Variants in C2CD5 observed in about 807,000 individuals in gnomAD.
C2CD5 encodes C2 calcium dependent domain containing 5.
In C2CD5, 109 loss-of-function variants were observed where a neutral mutation model predicts 130.3. That is an observed-to-expected ratio of 0.84 (90% CI 0.72 to 0.98). The LOEUF is 0.98. Ranked by LOEUF, C2CD5 falls within the 50% of genes least tolerant of loss-of-function variation. C2CD5 has a pLI of 0.00. For missense variants in C2CD5, 996 were observed against 1,261.8 expected (o/e 0.79, Z 3.19); for synonymous variants, 454 against 429.2 (o/e 1.06, Z -0.71).
intron 7 of C2CD5, chr12:22,518,922 C>T (rs1950017962): frequency 2.4e-6 from 1 of 417,270 alleles, no homozygotes; most frequent in Non-Finnish European, 4.2e-6. Flanking sequence ...TGGAAGAATA[C>T]CTTCACTTCC....
intron 3 of C2CD5, among the ~76,000 whole-genome samples, chr12:22,532,532 T>C (rs1951392538): frequency 6.6e-6 from 1 of 152,138 alleles, no homozygotes. Context: ...ATTTGTTTTC[T>C]CTTAATCCAG....
chr12:22,501,957 A>G (rs1176421492), intron 10 of C2CD5, among the ~76,000 whole-genome samples: 1 of 152,128 alleles, frequency 6.6e-6, no homozygotes, highest in Non-Finnish European at 1.5e-5. Context: ...GCAACATACC[A>G]GCTTCTGACA....
At chr12:22,502,594 AAG>A (rs1295897939) in intron 10 of C2CD5, 2 of 434,428 alleles carry the variant, frequency 4.6e-6, no homozygotes, top group South Asian at 6.2e-5. Flanking sequence ...TTGAAATTAC[AAG>A]AGTTATTACA....
At chr12:22,508,159 T>C (rs1014759787) in intron 9 of C2CD5, among the ~76,000 whole-genome samples, 9 of 152,162 alleles carry the variant, frequency 5.9e-5, no homozygotes, top group African/African-American at 2.2e-4. Context: ...ATCAGTCCTG[T>C]GCACCTCAGT....
chr12:22,499,411 T>G (rs1947461976), intron 10 of C2CD5, among the ~76,000 whole-genome samples: 1 of 152,216 alleles, frequency 6.6e-6, no homozygotes, highest in South Asian at 2.1e-4. Flanking sequence ...GGAAAACTAC[T>G]GTTTCACTTT....
intron 8 of C2CD5, among the ~76,000 whole-genome samples, chr12:22,517,318 A>G (rs935502379): frequency 6.6e-6 from 1 of 151,796 alleles, no homozygotes; most frequent in Non-Finnish European, 1.5e-5. Flanking sequence ...AATGATTTAA[A>G]TAAGTTAATT....
At chr12:22,470,933 T>C (rs1942921955) in intron 20 of C2CD5, 22 bp from the exon 21 acceptor site, 2 of 1,547,712 alleles carry the variant, frequency 1.3e-6, no homozygotes, top group Non-Finnish European at 1.8e-6. Context: ...AAAACAATAA[T>C]GGTTAGCAAA....
At chr12:22,480,835 C>T (rs1457146085) in intron 14 of C2CD5, among the ~76,000 whole-genome samples, 2 of 151,226 alleles carry the variant, frequency 1.3e-5, no homozygotes, top group African/African-American at 4.9e-5. Context: ...CAGGGTCTCT[C>T]GCTCTGTCAG....
At chr12:22,454,251 T>C (rs558588342) in intron 25 of C2CD5, among the ~76,000 whole-genome samples, 1 of 152,160 alleles carries the variant, frequency 6.6e-6, no homozygotes, top group Non-Finnish European at 1.5e-5. Flanking sequence ...CTACCTTTAC[T>C]TTACAGATGA....
At chr12:22,464,554 C>T (rs768383657) in intron 22 of C2CD5, among the ~76,000 whole-genome samples, 1 of 152,096 alleles carries the variant, frequency 6.6e-6, no homozygotes, top group African/African-American at 2.4e-5. Context: ...TCTTGCCTTC[C>T]GTCCTTCCTT....
At chr12:22,505,683 A>C (rs891866135) in intron 10 of C2CD5, among the ~76,000 whole-genome samples, 1 of 152,164 alleles carries the variant, frequency 6.6e-6, no homozygotes, top group African/African-American at 2.4e-5. Context: ...CTTATTTTAG[A>C]CGTAGAAAAA....
intron 10 of C2CD5, chr12:22,502,869 A>G (rs1947972704): frequency 4.6e-6 from 4 of 862,424 alleles, no homozygotes; most frequent in Non-Finnish European, 7.4e-6. Context: ...TAAAACAAAA[A>G]ACACTACAAA....
Position 22,505,676 on chromosome 12 carries a change from AT to A in C2CD5, c.1147+1034del, listed in dbSNP as rs1453035296. On this transcript the variant is annotated intron_variant, in intron 10 of 26. Coordinates refer to ENST00000446597, the MANE Select transcript of C2CD5 (RefSeq NM_001286176.2). The stretch of plus-strand genomic sequence containing the variant: ...AAAGTTCCCACTATTCATCATGCTT[AT>A]TTTAGACGTAGAAAAATCACCAGAG... Among the ~76,000 whole-genome samples the A allele has an allele frequency of 2.0e-5, 3 of 152,260 alleles. No homozygotes were observed. The East Asian group carries it at 5.8e-4, about 29-fold the overall frequency.
intron 25 of C2CD5, among the ~76,000 whole-genome samples, chr12:22,454,569 ATTT>A (rs5796959): frequency 5.9e-5 from 8 of 135,714 alleles, no homozygotes; most frequent in African/African-American, 5.5e-5. Flanking sequence ...CAGACTTTTC[ATTT>A]TTTTTTTTTT....
intron 8 of C2CD5, chr12:22,515,140 T>A (rs1463912302): frequency 2.0e-6 from 2 of 984,672 alleles, no homozygotes; most frequent in Non-Finnish European, 2.4e-6. Context: ...TAGGTCCCTG[T>A]GGGTAAGGTG....
intron 7 of C2CD5, among the ~76,000 whole-genome samples, chr12:22,522,270 G>A (rs1187482892): frequency 6.6e-6 from 1 of 152,156 alleles, no homozygotes; most frequent in Admixed American, 6.5e-5. Context: ...GATGAAACAA[G>A]TCTTCATTGT....
intron 22 of C2CD5, among the ~76,000 whole-genome samples, chr12:22,461,697 G>A (rs1004403834): frequency 2.6e-5 from 4 of 151,930 alleles, no homozygotes; most frequent in African/African-American, 9.7e-5. Context: ...AATTTTTCAC[G>A]ATATACATGT....
chr12:22,524,487 T>C lies in C2CD5; in HGVS notation c.586A>G (p.Ile196Val). The C allele has an allele frequency of 6.2e-7, 1 of 1,613,438 alleles. No homozygotes were observed. Among genetic ancestry groups the C allele is most frequent in the Non-Finnish European group, 8.5e-7 (1 of 1,179,722 alleles). ...TTTTAAATACCTGACATTAACGAAATGAGTCTCTGTCTGGCCTCATTTGAT... is the reference window on the plus strand; with the variant it reads ...TTTTAAATACCTGACATTAACGAAACGAGTCTCTGTCTGGCCTCATTTGAT... ...RASNEARQRL[I>V]SLMSGELQRK... Residue 196 changes from isoleucine (I) to valine (V), a missense_variant, in exon 6 of 27, where the codon ATT becomes GTT. Physicochemically the swap from Ile to Val is conservative, Grantham distance 29. Around this residue, in one of 9 missense-constraint regions of C2CD5, gnomAD observed 26 missense variants for 56.6 expected, o/e 0.46. Coordinates refer to ENST00000446597, the MANE Select transcript of C2CD5 (RefSeq NM_001286176.2).
Position 22,504,359 on chromosome 12 carries a change from T to C in C2CD5, c.1147+2352A>G, listed in dbSNP as rs528416105. Reference sequence around the variant, plus strand: ...TTCTGTTGCCCAGGCTGGAGTGCAGTGGCACGATCTCAGCTCACTACAACC... The same window carrying C: ...TTCTGTTGCCCAGGCTGGAGTGCAGCGGCACGATCTCAGCTCACTACAACC... On this transcript the variant is annotated intron_variant, in intron 10 of 26. Transcript: ENST00000446597. Among the ~76,000 whole-genome samples the C allele has an allele frequency of 4.0e-5, 6 of 151,426 alleles. No homozygotes were observed. The East Asian group carries it at 9.7e-4, about 25-fold the overall frequency.
Sources: allele counts gnomAD v4.1 joint callset (sites outside exome capture counted in the v4.1 genomes callset), GRCh38; gene constraint gnomAD v4.1.1; regional missense constraint gnomAD v4.1.1; transcripts MANE v1.5; gene names NCBI Gene and HGNC (gene_info 2026-07-23, HGNC 2026-07-21).